LPP: variants seen among roughly 807,000 people sequenced by gnomAD.
The protein encoded by LPP is lipoma-preferred partner.
Under a neutral mutation model 60.4 loss-of-function variants are expected in LPP, and 38 were observed. The ratio of observed to expected loss-of-function variants is 0.63; its 90% CI spans 0.49 to 0.83. LPP has a LOEUF of 0.83. Among genes scored for constraint, LPP ranks in the 40% least tolerant of loss-of-function variants. LPP has a pLI of 0.00. For missense variants in LPP, 902 were observed against 783.6 expected, an observed-to-expected ratio of 1.15 and a Z score of -1.80; for synonymous variants, 328 against 290.8, an observed-to-expected ratio of 1.13 and a Z score of -1.30.
In LPP at chr3:188,432,569, A is replaced by AT. The variant is rs879920225; in HGVS notation, c.193+26270dup. Among the ~76,000 whole-genome samples, 117 of 146,022 alleles carry AT rather than the reference A, an allele frequency of 8.0e-4. 1 individual carries two copies. Among genetic ancestry groups the AT allele is most frequent in the South Asian group, 2.4e-3 (11 of 4,584 alleles). On this transcript the variant is annotated intron_variant, in intron 4 of 11. Coordinates refer to ENST00000617246, the MANE Select transcript of LPP (RefSeq NM_001375462.1). ...GTGAATTTGACCTACGGCAAGAAGA[A>AT]TTTTTTTTTTTTTTAAAGCTCTTCC...
chr3:188,766,378 C>CAAAAAAAAAAAAA (rs142374028), intron 9 of LPP, among the ~76,000 whole-genome samples: 2 of 124,666 alleles, frequency 1.6e-5, no homozygotes, highest in South Asian at 3.6e-4. Context: ...CCTTAAAAAG[C>CAAAAAAAAAAAAA]AAAAAAAAAA....
rs200099339 is a variant in LPP, at chr3:188,379,705, CT to C, written c.-9-26403del. 7.6e-3 allele frequency among the ~76,000 whole-genome samples: 1,156 copies of C among 152,210 alleles called. 12 individuals are homozygous for C. The highest frequency in any genetic ancestry group is 0.026 in the African/African-American group (1,084 of 41,534). ...CATACAACATCATACAATATGTAGT[CT>C]TTTGTTACTTTGTTTCTTTCAGTTA... is the stretch of plus-strand genomic sequence containing the variant. On this transcript the variant is annotated intron_variant, in intron 3 of 11. Coordinates refer to ENST00000617246, the MANE Select transcript of LPP (RefSeq NM_001375462.1).
At position 188,303,744 on chromosome 3, in the gene LPP, A is replaced by G. The variant is rs528903119; in HGVS notation, c.-66-37919A>G. ...AGTTTCCTGACTTGCTTGATCTTCA[A>G]AATCACCTGTTATTAAAAATAGGTT... On this transcript the variant is annotated intron_variant, in intron 2 of 11. Transcript: ENST00000617246. 5.3e-5 allele frequency among the ~76,000 whole-genome samples: 8 copies of G among 152,204 alleles called. 1 individual carries two copies. In the South Asian group the frequency reaches 1.4e-3, roughly 28 times the overall value.
chr3:188,695,938 C>G (rs542762294), intron 7 of LPP, among the ~76,000 whole-genome samples: 1 of 152,182 alleles, frequency 6.6e-6, no homozygotes, highest in Admixed American at 6.5e-5. Context: ...TCAAAAGACT[C>G]CTGCCTAACT....
intron 1 of LPP, among the ~76,000 whole-genome samples, chr3:188,200,405 A>G (rs1560104537): frequency 6.6e-6 from 1 of 152,124 alleles, no homozygotes; most frequent in Non-Finnish European, 1.5e-5. Context: ...ACATGCCACC[A>G]TGCCCCACTA....
intron 8 of LPP, among the ~76,000 whole-genome samples, chr3:188,718,395 C>T (rs1322385167): frequency 1.3e-5 from 2 of 152,058 alleles, no homozygotes; most frequent in Admixed American, 6.5e-5. Flanking sequence ...GATCTCAGAC[C>T]GTAGATCCAC....
chr3:188,292,107 T>A (rs1746188330), intron 2 of LPP, among the ~76,000 whole-genome samples: 1 of 152,198 alleles, frequency 6.6e-6, no homozygotes. Context: ...CCAGCATGTG[T>A]TTTTCAAAAA....
intron 7 of LPP, among the ~76,000 whole-genome samples, chr3:188,680,731 T>A (rs1859296634): frequency 6.6e-6 from 1 of 152,230 alleles, no homozygotes; most frequent in African/African-American, 2.4e-5. Flanking sequence ...ACTTTACTTA[T>A]CATTTACTTA....
intron 1 of LPP, among the ~76,000 whole-genome samples, chr3:188,225,027 T>A (rs1717214787): frequency 6.6e-6 from 1 of 152,208 alleles, no homozygotes; most frequent in African/African-American, 2.4e-5. Flanking sequence ...GAACATTAGG[T>A]CCTATAGTTA....
At chr3:188,358,665 C>T (rs1410574379) in intron 3 of LPP, among the ~76,000 whole-genome samples, 1 of 151,996 alleles carries the variant, frequency 6.6e-6, no homozygotes, top group African/African-American at 2.4e-5. Context: ...CAGATTCTTT[C>T]CGAAAGAGTG....
At chr3:188,607,701 C>T (rs1215206361) in intron 6 of LPP, among the ~76,000 whole-genome samples, 3 of 151,790 alleles carry the variant, frequency 2.0e-5, no homozygotes, top group East Asian at 1.9e-4. Flanking sequence ...TTTTGAAAAT[C>T]GAGCACATTT....
intron 2 of LPP, among the ~76,000 whole-genome samples, chr3:188,252,182 T>C (rs1415938927): frequency 4.8e-4 from 38 of 79,078 alleles, no homozygotes; most frequent in Non-Finnish European, 6.8e-4. Context: ...TATATATATA[T>C]ATATATATAT....
chr3:188,566,895 A>C (rs1293666817), intron 6 of LPP, among the ~76,000 whole-genome samples: 4 of 151,910 alleles, frequency 2.6e-5, no homozygotes, highest in African/African-American at 9.7e-5. Context: ...TTATGCATAC[A>C]GAAAACAGAT....
rs181282947 is a variant in LPP, at chr3:188,507,039, C to T, written c.307-17626C>T. Among the ~76,000 whole-genome samples the T allele has an allele frequency of 6.7e-3, 1,014 of 151,852 alleles. 10 individuals are homozygous for T. Among genetic ancestry groups the T allele is most frequent in the Admixed American group, 0.023 (350 of 15,248 alleles). On this transcript the variant is annotated intron_variant, in intron 5 of 11. Transcript: ENST00000617246. ...GTCTTGATCTCCTGGCCTCGTGGTC[C>T]ACCTACCTCGGCCTCCCAAAGTGCT...
chr3:188,406,872 C>T (rs970383797), intron 4 of LPP, among the ~76,000 whole-genome samples: 2 of 152,002 alleles, frequency 1.3e-5, no homozygotes, highest in Non-Finnish European at 2.9e-5. Flanking sequence ...AGCCTAGTTC[C>T]AGGGGTTTTA....
rs549122982 is a variant in LPP at position 188,628,509 on chromosome 3, T to A, written c.1113+18665T>A. On this transcript the variant is annotated intron_variant, in intron 7 of 11. Coordinates refer to ENST00000617246, the MANE Select transcript of LPP (RefSeq NM_001375462.1). ...CATTAGAAAACCTAGAAGAAATGAA[T>A]AAATTCCTGGAAACATAAAACCTCA... Among the ~76,000 whole-genome samples the A allele has an allele frequency of 2.0e-5, 3 of 152,064 alleles. No individual in the cohort carries two copies. The South Asian group carries it at 6.2e-4, about 32-fold the overall frequency.
intron 9 of LPP, among the ~76,000 whole-genome samples, chr3:188,821,670 A>G (rs1161535951): frequency 1.3e-5 from 2 of 152,118 alleles, no homozygotes; most frequent in African/African-American, 4.8e-5. Flanking sequence ...ATGCTTATAT[A>G]TATATGGCAT....
At chr3:188,159,692 A>G (rs1577041272) in intron 1 of LPP, among the ~76,000 whole-genome samples, 1 of 152,154 alleles carries the variant, frequency 6.6e-6, no homozygotes, top group Admixed American at 6.5e-5. Flanking sequence ...CTGCCCCAGA[A>G]CCTTGAGCCA....
At chr3:188,337,762 AGTGCCGGGACTACAGGCACGAACCATC>A (rs1190106083) in intron 2 of LPP, among the ~76,000 whole-genome samples, 1 of 152,160 alleles carries the variant, frequency 6.6e-6, no homozygotes, top group Non-Finnish European at 1.5e-5. Context: ...GGCCTCCCAG[AGTGCCGGGACTACAGGCACGAACCATC>A]GTGCCTGGCC....
Sources: allele counts gnomAD v4.1 joint callset (sites outside exome capture counted in the v4.1 genomes callset), GRCh38; gene constraint gnomAD v4.1.1; transcripts MANE v1.5; gene names NCBI Gene and HGNC (gene_info 2026-07-23, HGNC 2026-07-21).